Variants in TRIM9 observed in about 807,000 individuals in gnomAD.
The protein encoded by TRIM9 is E3 ubiquitin-protein ligase TRIM9.
In TRIM9, 26 loss-of-function variants were observed where a neutral mutation model predicts 78.3. The ratio of observed to expected loss-of-function variants is 0.33; its 90% CI spans 0.24 to 0.46. The LOEUF is 0.46. TRIM9 is among the 20% of genes least tolerant of loss of function. The pLI is 1.00. For missense variants in TRIM9, 787 were observed against 1,036.4 expected (o/e 0.76, Z 3.30); for synonymous variants, 398 against 416.5 (o/e 0.96, Z 0.54).
chr14:51,094,331 G>A lies in TRIM9; in HGVS notation c.609C>T (p.Pro203=). 1 of 1,613,536 alleles carries A rather than the reference G, an allele frequency of 6.2e-7. No individual in the cohort carries two copies. The highest frequency in any genetic ancestry group is 8.5e-7 in the Non-Finnish European group (1 of 1,179,814). The change falls in exon 1 of 13, where the codon CCC becomes CCT. Residue 203 remains proline, a synonymous_variant. Transcript: ENST00000684578. Reference sequence around the variant, plus strand: ...GGGGCACCAGGCGGTGCTTGGCTAGGGGCCCCCGGGGCGGGTGGCAGCGCA... The same window carrying A: ...GGGGCACCAGGCGGTGCTTGGCTAGAGGCCCCCGGGGCGGGTGGCAGCGCA... ...CRLRCHPPRG[P]LAKHRLVPPA...
intron 1 of TRIM9, among the ~76,000 whole-genome samples, chr14:51,026,537 GTCT>G (rs879704298): frequency 6.6e-6 from 1 of 152,048 alleles, no homozygotes; most frequent in Non-Finnish European, 1.5e-5. Flanking sequence ...TTCCTGCACT[GTCT>G]TCTTTTCAAA....
intron 7 of TRIM9, among the ~76,000 whole-genome samples, chr14:50,987,711 A>T (rs1317526076): frequency 6.6e-6 from 1 of 152,186 alleles, no homozygotes; most frequent in African/African-American, 2.4e-5. Flanking sequence ...ACACCCAAGC[A>T]CCACAAACTG....
chr14:51,083,681 T>A (rs991557875), intron 1 of TRIM9, among the ~76,000 whole-genome samples: 3 of 152,164 alleles, frequency 2.0e-5, no homozygotes, highest in Non-Finnish European at 4.4e-5. Flanking sequence ...GATGGTGAAT[T>A]CAGATCTGGG....
chr14:51,054,171 C>T (rs181042581), intron 1 of TRIM9, among the ~76,000 whole-genome samples: 3 of 152,364 alleles, frequency 2.0e-5, no homozygotes, highest in African/African-American at 4.8e-5. Context: ...AAACCATCCT[C>T]CCACCTCAGT....
intron 1 of TRIM9, among the ~76,000 whole-genome samples, chr14:51,093,657 C>T (rs1596344321): frequency 1.3e-5 from 2 of 152,258 alleles, no homozygotes; most frequent in Admixed American, 6.5e-5. Flanking sequence ...GCCTATCCAG[C>T]AGCGACAGAC....
At chr14:51,073,678 G>A (rs538558660) in intron 1 of TRIM9, among the ~76,000 whole-genome samples, 67 of 152,314 alleles carry the variant, frequency 4.4e-4, no homozygotes, top group African/African-American at 1.6e-3. Context: ...GGGGCTTCTG[G>A]AGGCTGATGA....
At chr14:50,995,226 T>A (rs1219192554) in intron 7 of TRIM9, among the ~76,000 whole-genome samples, 2 of 152,220 alleles carry the variant, frequency 1.3e-5, no homozygotes, top group African/African-American at 4.8e-5. Context: ...CTTTCCTAAT[T>A]CTCCTATAAA....
chr14:51,093,566 G>C (rs908789144), intron 1 of TRIM9, among the ~76,000 whole-genome samples: 2 of 152,246 alleles, frequency 1.3e-5, no homozygotes, highest in African/African-American at 4.8e-5. Flanking sequence ...CAGCTCGAGA[G>C]CCAGGTCTGG....
intron 3 of TRIM9, among the ~76,000 whole-genome samples, chr14:51,013,738 G>T (rs17123479): frequency 6.6e-6 from 1 of 151,992 alleles, no homozygotes; most frequent in Non-Finnish European, 1.5e-5. Context: ...CCATATGTTG[G>T]TCTGGGCTCA....
At chr14:51,027,881 G>T (rs1449463615) in intron 1 of TRIM9, among the ~76,000 whole-genome samples, 2 of 151,360 alleles carry the variant, frequency 1.3e-5, no homozygotes, top group African/African-American at 4.9e-5. Flanking sequence ...GACTACCATA[G>T]TTTTCTTCCT....
Position 51,082,041 on chromosome 14 carries a change from G to A in TRIM9, c.822+12077C>T, listed in dbSNP as rs140927810. 6.8e-3 allele frequency among the ~76,000 whole-genome samples: 1,037 copies of A among 152,246 alleles called. 6 individuals are homozygous for A. Among genetic ancestry groups the A allele is most frequent in the Non-Finnish European group, 0.012 (795 of 68,024 alleles). Reference sequence around the variant, plus strand: ...CTAGAGCTCACATTTGGTCTTTCCAGTGACCAAAAGATTCTCAACATCACT... The same window carrying A: ...CTAGAGCTCACATTTGGTCTTTCCAATGACCAAAAGATTCTCAACATCACT... On this transcript the variant is annotated intron_variant, in intron 1 of 12. Coordinates refer to ENST00000684578, the MANE Select transcript of TRIM9 (RefSeq NM_001387360.1).
At chr14:50,999,841 G>A (rs893013904) in intron 6 of TRIM9, among the ~76,000 whole-genome samples, 1 of 152,194 alleles carries the variant, frequency 6.6e-6, no homozygotes, top group African/African-American at 2.4e-5. Flanking sequence ...GAGGATGGAT[G>A]AGAATGAAGC....
chr14:50,999,645 G>A (rs1007052520), intron 6 of TRIM9, among the ~76,000 whole-genome samples: 1 of 152,104 alleles, frequency 6.6e-6, no homozygotes. Context: ...GCTCAGGTTT[G>A]GCTATTGGTG....
At chr14:51,010,053 G>A (rs2056377646) in intron 4 of TRIM9, among the ~76,000 whole-genome samples, 1 of 151,330 alleles carries the variant, frequency 6.6e-6, no homozygotes, top group Admixed American at 6.6e-5. Context: ...GAATTCTTGG[G>A]CAAGGCAATA....
intron 1 of TRIM9, among the ~76,000 whole-genome samples, chr14:51,075,389 T>C (rs2062679917): frequency 6.6e-6 from 1 of 152,244 alleles, no homozygotes; most frequent in African/African-American, 2.4e-5. Context: ...TTAAAGCCTG[T>C]TAGTAACTCG....
rs904130424 is a variant in TRIM9 at position 51,071,767 on chromosome 14, C to G, written c.822+22351G>C. Among the ~76,000 whole-genome samples the G allele has an allele frequency of 2.0e-5, 3 of 152,290 alleles. No individual in the cohort carries two copies. The South Asian group carries it at 6.2e-4, about 32-fold the overall frequency. ...GCTGCAGTGAGCTGCAGTCACACCA[C>G]TGCACTCCAGCCTGGGTGACAGAGT... On this transcript the variant is annotated intron_variant, in intron 1 of 12. Coordinates refer to ENST00000684578, the MANE Select transcript of TRIM9 (RefSeq NM_001387360.1).
At chr14:51,072,043 C>T (rs1273659219) in intron 1 of TRIM9, among the ~76,000 whole-genome samples, 1 of 152,144 alleles carries the variant, frequency 6.6e-6, no homozygotes, top group African/African-American at 2.4e-5. Context: ...TTCTTCCTTC[C>T]TTCCCGGTGT....
rs751149890 is a variant in TRIM9 at position 50,979,467 on chromosome 14, C to T, written c.2245G>A (p.Asp749Asn). The change falls in exon 12 of 13, where the codon GAT becomes AAT. Residue 749 changes from aspartate to asparagine, a missense_variant. Asp to Asn is a conservative substitution (Grantham distance 23). Around this residue, in one of 3 missense-constraint regions of TRIM9, gnomAD observed 421 missense variants for 514.3 expected, o/e 0.82. Transcript: ENST00000684578. ...NRKNLTFFIN[D>N]EQQGPIAFDN... ...AATGCTATGGGACCTTGTTGTTCATCGTTGATAAAAAATGTCAAGTTTTTT... is the reference window on the plus strand; with the variant it reads ...AATGCTATGGGACCTTGTTGTTCATTGTTGATAAAAAATGTCAAGTTTTTT... 1.2e-5 allele frequency: 19 copies of T among 1,614,028 alleles called. No individual in the cohort carries two copies. The highest frequency in any genetic ancestry group is 8.3e-5 in the Admixed American group (5 of 59,996).
intron 1 of TRIM9, among the ~76,000 whole-genome samples, chr14:51,084,173 CT>C (rs34201811): frequency 0.35 from 53,474 of 151,510 alleles, 9,765 homozygotes; most frequent in Admixed American, 0.43. Context: ...CTTTTCCACA[CT>C]TTTTTTTTAT....
Sources: gnomAD v4.1 joint callset for allele counts (sites outside exome capture counted in the v4.1 genomes callset) on GRCh38, gnomAD v4.1.1 for gene constraint, gnomAD v4.1.1 regional missense constraint, MANE v1.5 for transcripts, NCBI Gene and HGNC (gene_info 2026-07-23, HGNC 2026-07-21) for gene names.